SESN1: variants seen among roughly 807,000 people sequenced by gnomAD.
SESN1 encodes the protein sestrin 1.
Under a neutral mutation model 59.3 loss-of-function variants are expected in SESN1, and 30 were observed. That is an observed-to-expected ratio of 0.51 (90% confidence interval 0.38 to 0.69). SESN1 has a LOEUF of 0.69. Ranked by LOEUF, SESN1 falls within the 30% of genes least tolerant of loss-of-function variation. SESN1 has a pLI of 0.00. For missense variants in SESN1, 566 were observed against 673.0 expected (o/e 0.84, Z 1.76); for synonymous variants, 197 against 219.9 (o/e 0.90, Z 0.92).
At chr6:109,037,358 A>T (rs1209084206) in intron 1 of SESN1, among the ~76,000 whole-genome samples, 2 of 152,226 alleles carry the variant, frequency 1.3e-5, no homozygotes, top group Admixed American at 6.5e-5. Context: ...CCTAGGAAAC[A>T]TTATTAGGCC....
intron 1 of SESN1, among the ~76,000 whole-genome samples, chr6:109,060,064 C>T (rs1349479548): frequency 6.6e-6 from 1 of 152,048 alleles, no homozygotes; most frequent in African/African-American, 2.4e-5. Flanking sequence ...CTCTGTTAAT[C>T]ACACATTAAT....
rs545232839 is a variant in SESN1, at chr6:109,060,832, A to C, written c.279+32963T>G. ...CACAAGACGAATGACCAAGGGAATC[A>C]GGAATAATGACATAATCTTCCTTCT... On this transcript the variant is annotated intron_variant, in intron 1 of 9. Coordinates refer to ENST00000436639, the MANE Select transcript of SESN1 (RefSeq NM_014454.3). 1.3e-4 allele frequency among the ~76,000 whole-genome samples: 20 copies of C among 152,346 alleles called. No homozygotes were observed. The South Asian group carries it at 3.7e-3, about 28-fold the overall frequency.
chr6:109,088,564 A>G (rs1381846820), intron 1 of SESN1, among the ~76,000 whole-genome samples: 1 of 152,080 alleles, frequency 6.6e-6, no homozygotes, highest in Non-Finnish European at 1.5e-5. Context: ...GCTTATTCTA[A>G]ATTTTCTATC....
intron 1 of SESN1, among the ~76,000 whole-genome samples, chr6:109,071,664 A>C (rs1165071766): frequency 6.6e-6 from 1 of 152,144 alleles, no homozygotes; most frequent in Non-Finnish European, 1.5e-5. Flanking sequence ...CTGCCAGGTG[A>C]GGGCCTGCCA....
At chr6:109,018,675 G>C (rs1489960353) in intron 1 of SESN1, among the ~76,000 whole-genome samples, 1 of 152,200 alleles carries the variant, frequency 6.6e-6, no homozygotes, top group African/African-American at 2.4e-5. Context: ...AATGCAAGTA[G>C]TTGTTTGAAA....
chr6:109,092,655 G>A (rs564608983), intron 1 of SESN1, among the ~76,000 whole-genome samples: 1 of 152,140 alleles, frequency 6.6e-6, no homozygotes, highest in Non-Finnish European at 1.5e-5. Context: ...GCATAATGAT[G>A]ACCCCATTAT....
At position 109,051,562 on chromosome 6, in the gene SESN1, A is replaced by T. The variant is rs1780542599; in HGVS notation, c.279+42233T>A. Among the ~76,000 whole-genome samples, 3 of 152,204 alleles carry T rather than the reference A, an allele frequency of 2.0e-5. No individual in the cohort carries two copies. The South Asian group carries it at 6.2e-4, about 31-fold the overall frequency. ...GGGTTCTAAAGTATGAAAAACACTT[A>T]AAAGCTTGTAGAATTACAAAGAGTT... On this transcript the variant is annotated intron_variant, in intron 1 of 9. Coordinates refer to ENST00000436639, the MANE Select transcript of SESN1 (RefSeq NM_014454.3).
chr6:109,071,095 A>G (rs1300414027), intron 1 of SESN1, among the ~76,000 whole-genome samples: 2 of 152,192 alleles, frequency 1.3e-5, no homozygotes, highest in Non-Finnish European at 2.9e-5. Context: ...AGCTAACATT[A>G]TTCATTCATT....
At chr6:109,066,805 A>G (rs533197553) in intron 1 of SESN1, among the ~76,000 whole-genome samples, 9 of 152,330 alleles carry the variant, frequency 5.9e-5, no homozygotes, top group Middle Eastern at 3.4e-3. Flanking sequence ...GCTAAGCTTA[A>G]AAGTTCGAGA....
chr6:108,987,420 G>A lies in SESN1; in HGVS notation c.*124C>T. On this transcript the variant is annotated 3_prime_UTR_variant, in exon 10 of 10. Transcript: ENST00000436639. Reference sequence around the variant, plus strand: ...CCACAGAAAAATAGCAGAAACTAAAGGAATCATGGCACAATGGATTTCTGA... The same window carrying A: ...CCACAGAAAAATAGCAGAAACTAAAAGAATCATGGCACAATGGATTTCTGA... 1.8e-6 allele frequency: 1 copy of A among 568,918 alleles called. No homozygotes were observed. The highest frequency in any genetic ancestry group is 3.0e-5 in the Admixed American group (1 of 33,234). The allele number at this position is 568,918 out of a possible 1,614,324, so 35.2% of individuals were successfully genotyped here.
At chr6:109,042,417 G>A (rs186825927) in intron 1 of SESN1, among the ~76,000 whole-genome samples, 2 of 151,294 alleles carry the variant, frequency 1.3e-5, no homozygotes, top group East Asian at 3.9e-4. Flanking sequence ...GAAACAAACT[G>A]CTGGTTCTTT....
intron 1 of SESN1, among the ~76,000 whole-genome samples, chr6:109,081,874 A>G (rs1781127591): frequency 2.0e-5 from 3 of 152,290 alleles, no homozygotes; most frequent in South Asian, 2.1e-4. Context: ...TCAAGCTCCC[A>G]TTGGGGGAAG....
intron 1 of SESN1, among the ~76,000 whole-genome samples, chr6:109,065,081 C>G (rs1780800054): frequency 6.6e-6 from 1 of 152,042 alleles, no homozygotes; most frequent in Non-Finnish European, 1.5e-5. Context: ...GCACTTATTT[C>G]CAATCCCTCT....
At chr6:109,009,886 C>T (rs563801544) in intron 1 of SESN1, among the ~76,000 whole-genome samples, 2 of 152,168 alleles carry the variant, frequency 1.3e-5, no homozygotes, top group Admixed American at 1.3e-4. Flanking sequence ...GGCCATTTAC[C>T]TAGAACCAAA....
chr6:109,076,209 A>G (rs1447979901), intron 1 of SESN1, among the ~76,000 whole-genome samples: 1 of 152,206 alleles, frequency 6.6e-6, no homozygotes, highest in Non-Finnish European at 1.5e-5. Flanking sequence ...TCAATTTACT[A>G]TTTACCAACT....
chr6:109,081,321 C>A (rs1781118604), intron 1 of SESN1, among the ~76,000 whole-genome samples: 1 of 152,166 alleles, frequency 6.6e-6, no homozygotes, highest in Non-Finnish European at 1.5e-5. Context: ...CTCAAGCAAT[C>A]CAACAAAACC....
rs74952042 is a variant in SESN1 at position 109,071,265 on chromosome 6, A to T, written c.279+22530T>A. ...AGTTCAGGTCGTGTTTGGGGCAAAG[A>T]AGAAAAATAAATCAAGATAAGGATC... On this transcript the variant is annotated intron_variant, in intron 1 of 9. Transcript: ENST00000436639. Among the ~76,000 whole-genome samples, 1,187 of 152,240 alleles carry T rather than the reference A, an allele frequency of 7.8e-3. 21 individuals are homozygous for T. Among genetic ancestry groups the T allele is most frequent in the African/African-American group, 0.027 (1,137 of 41,522 alleles).
Position 108,985,896 on chromosome 6 carries a change from A to C in SESN1, c.*1648T>G, listed in dbSNP as rs539618981. 1.4e-4 allele frequency among the ~76,000 whole-genome samples: 21 copies of C among 152,224 alleles called. No homozygotes were observed. The highest frequency in any genetic ancestry group is 2.6e-4 in the Non-Finnish European group (18 of 68,036). ...AATATAAAACATATTGAAGATAATA[A>C]TACTCTATTCCTAGCTAAGGTTATA... On this transcript the variant is annotated 3_prime_UTR_variant, in exon 10 of 10. Coordinates refer to ENST00000436639, the MANE Select transcript of SESN1 (RefSeq NM_014454.3).
intron 1 of SESN1, among the ~76,000 whole-genome samples, chr6:109,027,831 A>G (rs1454502319): frequency 6.6e-6 from 1 of 152,144 alleles, no homozygotes; most frequent in East Asian, 1.9e-4. Context: ...GATACTGAAC[A>G]TGTTTTAATG....
Sources: gnomAD v4.1 joint callset for allele counts (sites outside exome capture counted in the v4.1 genomes callset) on GRCh38, gnomAD v4.1.1 for gene constraint, MANE v1.5 for transcripts, NCBI Gene and HGNC (gene_info 2026-07-23, HGNC 2026-07-21) for gene names.